TMEM231: variants seen among roughly 807,000 people sequenced by gnomAD.
The protein encoded by TMEM231 is transmembrane protein 231.
TMEM231 carries 40 observed loss-of-function variants against 38.5 expected under a neutral mutation model. That is an observed-to-expected ratio of 1.04 (90% CI 0.81 to 1.35). TMEM231 has a LOEUF of 1.35. Among genes scored for constraint, TMEM231 ranks in the 40% most tolerant of loss-of-function variants. The pLI, the probability that TMEM231 is intolerant of heterozygous loss-of-function variation, is 0.00. For missense variants in TMEM231, 420 were observed against 416.9 expected (o/e 1.01, Z -0.07); for synonymous variants, 199 against 181.7 (o/e 1.10, Z -0.77).
At position 75,553,821 on chromosome 16, in the gene TMEM231, C is replaced by T. The variant is rs371025264; in HGVS notation, c.309+1983G>A. ...TACAGGTGTGAGCTATCATTTCTGG[C>T]GGCAAATATTTTTATCTCATTTACC... On this transcript the variant is annotated intron_variant, in intron 2 of 6. Transcript: ENST00000258173. Among the ~76,000 whole-genome samples, 14 of 152,052 alleles carry T rather than the reference C, an allele frequency of 9.2e-5. No homozygotes were observed. The East Asian group carries it at 1.4e-3, about 15-fold the overall frequency.
At chr16:75,554,821 A>G (rs1252367633) in intron 2 of TMEM231, 1 of 152,224 alleles carries the variant, frequency 6.6e-6, no homozygotes, top group Non-Finnish European at 1.5e-5. Context: ...TTGGTGCAAA[A>G]GTAATTCCGG....
intron 2 of TMEM231, among the ~76,000 whole-genome samples, chr16:75,547,852 A>G (rs909251034): frequency 1.1e-4 from 17 of 152,178 alleles, no homozygotes; most frequent in African/African-American, 4.1e-4. Context: ...GGATCTGGGT[A>G]GAAAATCTTA....
At chr16:75,549,559 G>A (rs1205032816) in intron 2 of TMEM231, among the ~76,000 whole-genome samples, 1 of 152,144 alleles carries the variant, frequency 6.6e-6, no homozygotes, top group Non-Finnish European at 1.5e-5. Flanking sequence ...TGTGGGACAA[G>A]GATCTTGGTT....
chr16:75,541,333 T>C lies in TMEM231; in HGVS notation c.770+17A>G, dbSNP rs2080625788. The C allele has an allele frequency of 6.3e-7, 1 of 1,588,426 alleles. No homozygotes were observed. The highest frequency in any genetic ancestry group is 1.3e-5 in the African/African-American group (1 of 74,150). ...CCACATCCAGCCTTAACATGGACTC[T>C]TTAACAGAAAGGATATGAAATGACT... On this transcript the variant is annotated intron_variant, in intron 6 of 6. Coordinates refer to ENST00000258173, the MANE Select transcript of TMEM231 (RefSeq NM_001077418.3).
intron 6 of TMEM231, 69 bp from the exon 7 acceptor site, chr16:75,540,243 G>A: frequency 6.8e-7 from 1 of 1,477,350 alleles, no homozygotes. Flanking sequence ...GATGGAATTG[G>A]CTGTGGCAGA....
At position 75,539,965 on chromosome 16, in the gene TMEM231, G is replaced by A. The variant is rs764154853; in HGVS notation, c.*29C>T. 3.8e-6 allele frequency: 6 copies of A among 1,588,184 alleles called. No individual in the cohort carries two copies. In the South Asian group the frequency reaches 5.8e-5, roughly 15 times the overall value. On this transcript the variant is annotated 3_prime_UTR_variant, in exon 7 of 7. Coordinates refer to ENST00000258173, the MANE Select transcript of TMEM231 (RefSeq NM_001077418.3). The stretch of plus-strand genomic sequence containing the variant: ...AGAAGATGACAATGAGGCAGCCACG[G>A]TCCTGCTGAGTCTTCAGAAATGGCC...
rs1447589714 is a variant in TMEM231 at position 75,545,758 on chromosome 16, CAGA to C, written c.438+65_438+67del. 11 of 707,522 alleles carry C rather than the reference CAGA, an allele frequency of 1.6e-5. 1 individual carries two copies. Among genetic ancestry groups the C allele is most frequent in the East Asian group, 5.7e-5 (2 of 35,038 alleles). The allele number at this position is 707,522 out of a possible 1,614,324, so 43.8% of individuals were successfully genotyped here. On this transcript the variant is annotated intron_variant, in intron 3 of 6. Coordinates refer to ENST00000258173, the MANE Select transcript of TMEM231 (RefSeq NM_001077418.3). ...GCTAGAGTGCGGGTCTTCTAGAAATCAGAAGAAGGACTCTGGTCTACTAAAAAG... is the reference window on the plus strand; with the variant it reads ...GCTAGAGTGCGGGTCTTCTAGAAATCAGAAGGACTCTGGTCTACTAAAAAG...
chr16:75,541,046 C>A lies in TMEM231; in HGVS notation c.770+304G>T, dbSNP rs116304500. The stretch of plus-strand genomic sequence containing the variant: ...GTTTGCTTTAAGAGGCAGGGTCTCA[C>A]TCTGTCACCGAGGCTGGAGTACAGT... On this transcript the variant is annotated intron_variant, in intron 6 of 6. Transcript: ENST00000258173. Among the ~76,000 whole-genome samples, 6,846 of 152,234 alleles carry A rather than the reference C, an allele frequency of 0.045. 176 individuals are homozygous for A. Among genetic ancestry groups the A allele is most frequent in the South Asian group, 0.056 (269 of 4,816 alleles).
chr16:75,549,902 T>A (rs9921435), intron 2 of TMEM231, among the ~76,000 whole-genome samples: 56 of 152,214 alleles, frequency 3.7e-4, no homozygotes, highest in African/African-American at 1.3e-3. Context: ...AGAGATGGGG[T>A]TTCACCGTGT....
intron 2 of TMEM231, among the ~76,000 whole-genome samples, chr16:75,546,725 G>A (rs1046021006): frequency 2.0e-5 from 3 of 152,134 alleles, no homozygotes; most frequent in African/African-American, 7.2e-5. Context: ...TTATAGGCGT[G>A]AGCCACCGCA....
Position 75,538,629 on chromosome 16 carries a change from G to C in TMEM231, c.*1365C>G, listed in dbSNP as rs2080586062. 1.3e-5 allele frequency: 2 copies of C among 152,062 alleles called. No individual in the cohort carries two copies. The allele number at this position is 152,062 out of a possible 1,614,324, so 9.4% of individuals were successfully genotyped here. On this transcript the variant is annotated 3_prime_UTR_variant, in exon 7 of 7. Transcript: ENST00000258173. ...TAAAGGAGCACTAAAAACGACAACT[G>C]ATCTCCAAAGTAAACTGAGGCACAC...
At position 75,541,426 on chromosome 16, in the gene TMEM231, T is replaced by C; in HGVS notation, c.694A>G (p.Ile232Val). 6.2e-7 allele frequency: 1 copy of C among 1,611,880 alleles called. No homozygotes were observed. Among genetic ancestry groups the C allele is most frequent in the Non-Finnish European group, 8.5e-7 (1 of 1,178,760 alleles). Reference sequence around the variant, plus strand: ...TCTGCGGCCCTGCCCACCAGCCAGATGGGGTTGGGATCATTCAGGACGGTG... The same window carrying C: ...TCTGCGGCCCTGCCCACCAGCCAGACGGGGTTGGGATCATTCAGGACGGTG... ...VTTVLNDPNP[I>V]WLVGRAADAP... is the part of the protein sequence containing the mutation. The change falls in exon 6 of 7, where the codon ATC (isoleucine) becomes GTC (valine). Residue 232 changes from isoleucine to valine, a missense_variant. Coordinates refer to ENST00000258173, the MANE Select transcript of TMEM231 (RefSeq NM_001077418.3).
At chr16:75,540,541 C>T (rs950513961) in intron 6 of TMEM231, among the ~76,000 whole-genome samples, 1 of 152,200 alleles carries the variant, frequency 6.6e-6, no homozygotes, top group Non-Finnish European at 1.5e-5. Context: ...CACAATTTAG[C>T]TGCTTCCTAG....
At chr16:75,554,599 G>T (rs2151709230) in intron 2 of TMEM231, among the ~76,000 whole-genome samples, 1 of 150,244 alleles carries the variant, frequency 6.7e-6, no homozygotes, top group African/African-American at 2.4e-5. Flanking sequence ...AAAAAGAAAT[G>T]TTGTCCCTAA....
At position 75,538,594 on chromosome 16, in the gene TMEM231, T is replaced by C. The variant is rs1038851748; in HGVS notation, c.*1400A>G. On this transcript the variant is annotated 3_prime_UTR_variant, in exon 7 of 7. Coordinates refer to ENST00000258173, the MANE Select transcript of TMEM231 (RefSeq NM_001077418.3). The stretch of plus-strand genomic sequence containing the variant: ...AAATAGCTTTGTTTCCAAAACTGTT[T>C]TAGTAAGCCTAAAGGAGCACTAAAA... 1 of 152,156 alleles carries C rather than the reference T, an allele frequency of 6.6e-6. No homozygotes were observed. The highest frequency in any genetic ancestry group is 2.4e-5 in the African/African-American group (1 of 41,420). 9.4% of individuals were successfully genotyped at this position (152,156 alleles called of 1,614,324 possible).
chr16:75,541,753 G>T (rs1013302123), intron 5 of TMEM231: 5 of 197,862 alleles, frequency 2.5e-5, no homozygotes, highest in Non-Finnish European at 5.1e-5. Context: ...CTTTGTAGCT[G>T]TGTGGGGAAG....
At chr16:75,543,507 T>G (rs1158183151) in intron 4 of TMEM231, among the ~76,000 whole-genome samples, 1 of 152,002 alleles carries the variant, frequency 6.6e-6, no homozygotes, top group East Asian at 1.9e-4. Flanking sequence ...GAGACAGAGG[T>G]TGCAGTGAGC....
chr16:75,552,096 A>AACTC (rs375919292), intron 2 of TMEM231, among the ~76,000 whole-genome samples: 27 of 152,292 alleles, frequency 1.8e-4, no homozygotes, highest in Admixed American at 3.3e-4. Flanking sequence ...TTTTCTATGC[A>AACTC]ACTTTGTCCT....
rs2080581914 is a variant in TMEM231 at position 75,538,351 on chromosome 16, T to C, written c.*1643A>G. 6.6e-6 allele frequency: 1 copy of C among 152,216 alleles called. No homozygotes were observed. Among genetic ancestry groups the C allele is most frequent in the Non-Finnish European group, 1.5e-5 (1 of 68,040 alleles). The allele number at this position is 152,216 out of a possible 1,614,324, so 9.4% of individuals were successfully genotyped here. On this transcript the variant is annotated 3_prime_UTR_variant, in exon 7 of 7. Transcript: ENST00000258173. ...GAAAGTTACAAAACATCATGGGTTC[T>C]TTATACAAGATTTGCATTAGAATAA...
Sources: allele counts gnomAD v4.1 joint callset (sites outside exome capture counted in the v4.1 genomes callset), GRCh38; gene constraint gnomAD v4.1.1; transcripts MANE v1.5; gene names NCBI Gene and HGNC (gene_info 2026-07-23, HGNC 2026-07-21).